NRG4: variants seen among roughly 807,000 people sequenced by gnomAD.
The protein encoded by NRG4 is neuregulin 4.
In NRG4, 10 loss-of-function variants were observed where a neutral mutation model predicts 15.0. The ratio of observed to expected loss-of-function variants is 0.67; its 90% CI spans 0.41 to 1.13. NRG4 has a LOEUF of 1.13. Ranked by LOEUF, NRG4 falls within the 50% of genes most tolerant of loss-of-function variation. NRG4 has a pLI of 0.00. For missense variants in NRG4, 139 were observed against 140.2 expected (o/e 0.99, Z 0.04); for synonymous variants, 41 against 50.1 (o/e 0.82, Z 0.77).
At chr15:75,959,150 T>TA (rs770218039) in intron 4 of NRG4, 5,125 of 363,430 alleles carry the variant, frequency 0.014, no homozygotes, top group South Asian at 0.023. Context: ...CCTGGATAAT[T>TA]AAAAAAAAAA....
chr15:76,059,911 G>A (rs2036257131), upstream of NRG4: 1 of 146,502 alleles, frequency 6.8e-6, no homozygotes, highest in Non-Finnish European at 1.5e-5. Flanking sequence ...GGCGGAGGGA[G>A]CGGCGGGGCC....
intron 2 of NRG4, among the ~76,000 whole-genome samples, chr15:76,056,179 G>C (rs1251643184): frequency 6.6e-6 from 1 of 152,198 alleles, no homozygotes; most frequent in Non-Finnish European, 1.5e-5. Flanking sequence ...CGGGCGCAGT[G>C]GCTCACGCCT....
chr15:75,966,869 CA>C (rs1285944251), intron 3 of NRG4, among the ~76,000 whole-genome samples: 1 of 152,090 alleles, frequency 6.6e-6, no homozygotes, highest in Non-Finnish European at 1.5e-5. Context: ...GTAATTCCAG[CA>C]ATGTGGGAGG....
intron 3 of NRG4, among the ~76,000 whole-genome samples, chr15:75,974,858 C>T (rs954265564): frequency 8.5e-5 from 13 of 152,102 alleles, no homozygotes; most frequent in East Asian, 1.9e-4. Context: ...GTTCTGTAGA[C>T]GTCTATTAGG....
chr15:75,974,824 T>A (rs1387185915), intron 3 of NRG4, among the ~76,000 whole-genome samples: 1 of 152,244 alleles, frequency 6.6e-6, no homozygotes, highest in African/African-American at 2.4e-5. Context: ...GAAGAATGTA[T>A]ATTCTTTTGA....
intron 5 of NRG4, among the ~76,000 whole-genome samples, chr15:76,022,425 T>TACACACAC (rs67005026): frequency 5.3e-5 from 8 of 149,570 alleles, no homozygotes; most frequent in South Asian, 2.1e-4. Flanking sequence ...TCAATATTTT[T>TACACACAC]ACACACACAC....
chr15:75,961,439 G>A (rs868806046), intron 4 of NRG4, among the ~76,000 whole-genome samples: 2 of 152,088 alleles, frequency 1.3e-5, no homozygotes, highest in Non-Finnish European at 2.9e-5. Context: ...GCACTAGATA[G>A]CTGACCCTGC....
intron 3 of NRG4, among the ~76,000 whole-genome samples, chr15:75,965,006 A>G (rs1057465584): frequency 6.6e-6 from 1 of 152,136 alleles, no homozygotes; most frequent in Non-Finnish European, 1.5e-5. Context: ...CGGGTGGATC[A>G]TGAGGTCAGG....
At position 75,977,829 on chromosome 15, in the gene NRG4, T is replaced by A. The variant is rs1354994575; in HGVS notation, c.105-15855A>T. Among the ~76,000 whole-genome samples, 2 of 152,152 alleles carry A rather than the reference T, an allele frequency of 1.3e-5. No individual in the cohort carries two copies. The highest frequency in any genetic ancestry group is 4.8e-5 in the African/African-American group (2 of 41,420). ...CTTCCAGCTTTTTATTTTTATTTTA[T>A]TTTTTTAAATGGAGTCTCACTCTGT... On this transcript the variant is annotated intron_variant, in intron 3 of 5. Coordinates refer to ENST00000394907, the MANE Select transcript of NRG4 (RefSeq NM_138573.4). This position sits in a 1 kb window ranked among gnomAD's most constrained non-coding sequence, Gnocchi z 4.9.
At position 75,986,697 on chromosome 15, in the gene NRG4, A is replaced by T. The variant is rs553558687; in HGVS notation, c.104+22503T>A. Among the ~76,000 whole-genome samples the T allele has an allele frequency of 5.9e-5, 9 of 152,276 alleles. No homozygotes were observed. The South Asian group carries it at 1.5e-3, about 25-fold the overall frequency. On this transcript the variant is annotated intron_variant, in intron 3 of 5. Transcript: ENST00000394907. ...TTTGGACCATATAAATTATCAATTT[A>T]AAAAAATTATAATTAGATGAGATAT...
intron 4 of NRG4, among the ~76,000 whole-genome samples, chr15:76,047,887 G>A (rs2035910560): frequency 6.6e-6 from 1 of 151,100 alleles, no homozygotes; most frequent in Non-Finnish European, 1.5e-5. Flanking sequence ...CAGACGCAAT[G>A]GCTTGCAACT....
chr15:75,965,093 G>T (rs1357300838), intron 3 of NRG4, among the ~76,000 whole-genome samples: 1 of 151,952 alleles, frequency 6.6e-6, no homozygotes, highest in Admixed American at 6.6e-5. Context: ...GGGCATGGTG[G>T]CGGGCGCCTG....
intron 2 of NRG4, among the ~76,000 whole-genome samples, chr15:76,010,864 C>T (rs1276323960): frequency 2.0e-5 from 3 of 152,070 alleles, no homozygotes; most frequent in African/African-American, 7.2e-5. Flanking sequence ...CAACACTTGG[C>T]ATTTATTTTA....
chr15:75,979,634 C>A (rs2141848984), intron 3 of NRG4, among the ~76,000 whole-genome samples: 1 of 152,112 alleles, frequency 6.6e-6, no homozygotes, highest in South Asian at 2.1e-4. Context: ...ATGTTGTAAA[C>A]AATGATCATT....
chr15:75,973,935 A>G (rs1276418785), intron 3 of NRG4, among the ~76,000 whole-genome samples: 1 of 152,182 alleles, frequency 6.6e-6, no homozygotes, highest in African/African-American at 2.4e-5. Flanking sequence ...TAATTTCAGA[A>G]GGAATGGTAT....
At chr15:75,951,752 T>C (rs556378201) in intron 5 of NRG4, among the ~76,000 whole-genome samples, 3 of 152,312 alleles carry the variant, frequency 2.0e-5, no homozygotes, top group African/African-American at 7.2e-5. Context: ...TGTATTTTCT[T>C]ATTATACATT....
At chr15:75,998,385 T>C (rs1389866509) in intron 3 of NRG4, among the ~76,000 whole-genome samples, 2 of 152,106 alleles carry the variant, frequency 1.3e-5, no homozygotes, top group African/African-American at 2.4e-5. Flanking sequence ...GAAAGATTGA[T>C]AGTGAAGACT....
intron 4 of NRG4, among the ~76,000 whole-genome samples, chr15:76,045,858 C>G (rs1464424161): frequency 6.6e-6 from 1 of 150,694 alleles, no homozygotes. Flanking sequence ...TCAATAAGAC[C>G]TAGTATTTGC....
chr15:75,954,862 G>A (rs888863694), intron 5 of NRG4, among the ~76,000 whole-genome samples: 4 of 152,016 alleles, frequency 2.6e-5, no homozygotes, highest in Non-Finnish European at 5.9e-5. Flanking sequence ...TTTGATCTAG[G>A]ATGTAGTTAT....
Sources: allele counts gnomAD v4.1 joint callset (sites outside exome capture counted in the v4.1 genomes callset), GRCh38; gene constraint gnomAD v4.1.1; non-coding constraint Gnocchi (gnomAD v3.1); transcripts MANE v1.5; gene names NCBI Gene and HGNC (gene_info 2026-07-23, HGNC 2026-07-21).